Variants in DRC11 observed in about 807,000 individuals in gnomAD.
The protein encoded by DRC11 is IQ and AAA domain-containing protein 1.
chr2:236,462,279 C>T, the DRC11 span, among the ~76,000 whole-genome samples: 6 of 152,030 alleles, frequency 3.9e-5, no homozygotes, highest in Non-Finnish European at 5.9e-5. This position sits in a 1 kb window ranked among gnomAD's most constrained non-coding sequence, Gnocchi z 6.4. Context: ...TTGTGGGTGG[C>T]CAGTGCCTGG....
chr2:236,441,457 T>C, the DRC11 span, among the ~76,000 whole-genome samples: 7 of 152,096 alleles, frequency 4.6e-5, no homozygotes, highest in African/African-American at 1.2e-4. Context: ...CTGTTTAAAA[T>C]TGAGGATAAA....
the DRC11 span, among the ~76,000 whole-genome samples, chr2:236,483,265 T>C: frequency 8.2e-3 from 1,253 of 152,260 alleles, 7 homozygotes; most frequent in Non-Finnish European, 9.7e-3. This position sits in a 1 kb window ranked among gnomAD's most constrained non-coding sequence, Gnocchi z 4.8. Flanking sequence ...AATTTCTAAA[T>C]CATAAAAATT....
At chr2:236,354,961 G>A in the DRC11 span, among the ~76,000 whole-genome samples, 1 of 152,190 alleles carries the variant, frequency 6.6e-6, no homozygotes, top group Admixed American at 6.5e-5. Context: ...CGGCTACATG[G>A]CCCACCCTGG....
the DRC11 span, among the ~76,000 whole-genome samples, chr2:236,498,299 A>G: frequency 0.033 from 4,782 of 146,968 alleles, 281 homozygotes; most frequent in African/African-American, 0.12. Context: ...CTACTAAAAT[A>G]CAAAAAAAAA....
the DRC11 span, among the ~76,000 whole-genome samples, chr2:236,318,558 G>C: frequency 7.0e-6 from 1 of 142,870 alleles, no homozygotes; most frequent in East Asian, 2.0e-4. This position sits in a 1 kb window ranked among gnomAD's most constrained non-coding sequence, Gnocchi z 7.0. Context: ...TGTGTGTAGG[G>C]AGTGGTCCAT....
the DRC11 span, among the ~76,000 whole-genome samples, chr2:236,504,845 T>C: frequency 6.6e-6 from 1 of 152,234 alleles, no homozygotes; most frequent in Non-Finnish European, 1.5e-5. This position sits in a 1 kb window ranked among gnomAD's most constrained non-coding sequence, Gnocchi z 5.0. Context: ...TGCCGCCATG[T>C]GAAGAAGGGC....
At chr2:236,444,960 C>G in the DRC11 span, among the ~76,000 whole-genome samples, 1 of 152,228 alleles carries the variant, frequency 6.6e-6, no homozygotes, top group Non-Finnish European at 1.5e-5. Flanking sequence ...AGACTCATGT[C>G]TGAAACCTTG....
the DRC11 span, among the ~76,000 whole-genome samples, chr2:236,358,023 A>ATATT: frequency 1.1e-3 from 92 of 80,768 alleles, 1 homozygote; most frequent in African/African-American, 3.9e-3. Flanking sequence ...ATATAGATAT[A>ATATT]ATATGAATAT....
the DRC11 span, among the ~76,000 whole-genome samples, chr2:236,460,906 C>T: frequency 1.3e-5 from 2 of 152,116 alleles, no homozygotes; most frequent in Non-Finnish European, 2.9e-5. The surrounding 1 kb of genome is among the most constrained non-coding windows in gnomAD (Gnocchi z 4.0). Flanking sequence ...AGGCGTCCGC[C>T]ACCATGTCAA....
At chr2:236,492,471 T>C in the DRC11 span, among the ~76,000 whole-genome samples, 27 of 152,312 alleles carry the variant, frequency 1.8e-4, no homozygotes, top group Non-Finnish European at 3.4e-4. Flanking sequence ...CTTAACACCA[T>C]CACCCAGGCT....
the DRC11 span, among the ~76,000 whole-genome samples, chr2:236,440,195 G>C: frequency 1.3e-5 from 2 of 152,208 alleles, no homozygotes; most frequent in Non-Finnish European, 2.9e-5. Context: ...ATAAAATGCT[G>C]TATGTTTGAA....
At chr2:236,383,554 T>C in the DRC11 span, among the ~76,000 whole-genome samples, 1 of 152,170 alleles carries the variant, frequency 6.6e-6, no homozygotes, top group South Asian at 2.1e-4. Context: ...TCTTTTTTAA[T>C]GTAGGCATTT....
the DRC11 span, among the ~76,000 whole-genome samples, chr2:236,414,036 T>A: frequency 3.3e-5 from 5 of 152,246 alleles, no homozygotes; most frequent in Non-Finnish European, 7.3e-5. Flanking sequence ...AGAGCATTCC[T>A]TAACTGCAGT....
At chr2:236,417,041 T>C in the DRC11 span, among the ~76,000 whole-genome samples, 2 of 151,238 alleles carry the variant, frequency 1.3e-5, no homozygotes, top group Non-Finnish European at 2.9e-5. Context: ...ATTGCAGGTA[T>C]GTATTTTTAG....
the DRC11 span, among the ~76,000 whole-genome samples, chr2:236,505,835 T>C: frequency 2.6e-5 from 4 of 151,614 alleles, no homozygotes; most frequent in Non-Finnish European, 5.9e-5. Context: ...TTCTGGGCCA[T>C]TCCCTTCCAC....
At chr2:236,324,679 C>A in the DRC11 span, 8 of 1,492,550 alleles carry the variant, frequency 5.4e-6, no homozygotes, top group South Asian at 7.2e-5. The surrounding 1 kb of genome is among the most constrained non-coding windows in gnomAD (Gnocchi z 5.7). Flanking sequence ...TTGCCTTTTT[C>A]TCTTTCTTTT....
At chr2:236,351,176 G>A in the DRC11 span, among the ~76,000 whole-genome samples, 1 of 152,138 alleles carries the variant, frequency 6.6e-6, no homozygotes, top group East Asian at 1.9e-4. This position sits in a 1 kb window ranked among gnomAD's most constrained non-coding sequence, Gnocchi z 7.3. Context: ...TAGGTGCCAG[G>A]GTCACAAAGA....
At chr2:236,331,597 A>C in the DRC11 span, 1 of 1,609,136 alleles carries the variant, frequency 6.2e-7, no homozygotes, top group Middle Eastern at 1.7e-4. This position sits in a 1 kb window ranked among gnomAD's most constrained non-coding sequence, Gnocchi z 4.8. Flanking sequence ...CTTCCACAGA[A>C]CTGTTGTATC....
At chr2:236,380,468 T>G in the DRC11 span, 1 of 881,880 alleles carries the variant, frequency 1.1e-6, no homozygotes, top group Non-Finnish European at 1.8e-6. This position sits in a 1 kb window ranked among gnomAD's most constrained non-coding sequence, Gnocchi z 4.9. Flanking sequence ...CTGTGGAGGA[T>G]GAAGAGGGCG....
Sources: gnomAD v4.1 joint callset for allele counts (sites outside exome capture counted in the v4.1 genomes callset) on GRCh38, gnomAD v4.1.1 for gene constraint, Gnocchi (gnomAD v3.1) non-coding constraint, MANE v1.5 for transcripts, NCBI Gene and HGNC (gene_info 2026-07-23, HGNC 2026-07-21) for gene names.